PRKACA: variants seen among roughly 807,000 people sequenced by gnomAD.
PRKACA encodes cAMP-dependent protein kinase catalytic subunit alpha.
In PRKACA, 9 loss-of-function variants were observed where a neutral mutation model predicts 45.8. The observed-to-expected ratio is 0.20, with a 90% CI of 0.12 to 0.34. The LOEUF is 0.34. Ranked by LOEUF, PRKACA falls within the 10% of genes least tolerant of loss-of-function variation. The pLI, the probability that PRKACA is intolerant of heterozygous loss-of-function variation, is 1.00. For synonymous variants in PRKACA, 160 were observed against 178.6 expected, an observed-to-expected ratio of 0.90 and a Z score of 0.83; for missense variants, 238 against 458.6, an observed-to-expected ratio of 0.52 and a Z score of 4.39.
chr19:14,095,176 CTT>C (rs796833968), intron 8 of PRKACA, among the ~76,000 whole-genome samples: 6 of 134,012 alleles, frequency 4.5e-5, no homozygotes, highest in Non-Finnish European at 6.6e-5. Context: ...TTCTTTTTTT[CTT>C]TTTTTTTTTT....
At chr19:14,111,379 A>C (rs1966958838) in intron 1 of PRKACA, among the ~76,000 whole-genome samples, 1 of 151,942 alleles carries the variant, frequency 6.6e-6, no homozygotes, top group South Asian at 2.1e-4. Flanking sequence ...CCTGGACAAC[A>C]AGAGTGAAAC....
At chr19:14,110,725 G>A (rs1188799309) in intron 1 of PRKACA, among the ~76,000 whole-genome samples, 1 of 152,198 alleles carries the variant, frequency 6.6e-6, no homozygotes, top group Non-Finnish European at 1.5e-5. Context: ...CCCTTGCTGA[G>A]TATTTTCTAT....
At chr19:14,101,340 G>A (rs112092885) in intron 4 of PRKACA, 3,789 of 180,256 alleles carry the variant, frequency 0.021, 59 homozygotes, top group South Asian at 0.041. Context: ...AGGCCAAGGT[G>A]GGTGGATCAC....
intron 5 of PRKACA, among the ~76,000 whole-genome samples, chr19:14,099,067 G>A (rs960779324): frequency 1.3e-5 from 2 of 152,002 alleles, no homozygotes; most frequent in South Asian, 4.2e-4. Flanking sequence ...CGGGGGGGGC[G>A]GATCACCTGA....
intron 3 of PRKACA, among the ~76,000 whole-genome samples, chr19:14,106,065 G>A (rs1383048250): frequency 3.3e-5 from 5 of 151,950 alleles, no homozygotes; most frequent in Non-Finnish European, 5.9e-5. Context: ...GGGAATAGTG[G>A]GTGAGCCTGG....
At chr19:14,094,251 C>A (rs376642895) in intron 8 of PRKACA, among the ~76,000 whole-genome samples, 3 of 147,920 alleles carry the variant, frequency 2.0e-5, no homozygotes, top group Non-Finnish European at 4.4e-5. Flanking sequence ...TGCAGTGGTG[C>A]GATCTGGGCT....
Position 14,093,265 on chromosome 19 carries a change from C to A in PRKACA, c.931-28G>T, listed in dbSNP as rs757234773. ...GGAGAGGGATCAAGAATCACCCAGACCTCAGCATTCAACATAATCATTATT... is the reference window on the plus strand; with the variant it reads ...GGAGAGGGATCAAGAATCACCCAGAACTCAGCATTCAACATAATCATTATT... On this transcript the variant is annotated intron_variant, in intron 9 of 9. Transcript: ENST00000308677. 2.5e-6 allele frequency: 4 copies of A among 1,599,848 alleles called. No individual in the cohort carries two copies. In the South Asian group the frequency reaches 4.5e-5, roughly 18 times the overall value.
In PRKACA at chr19:14,116,990, G is replaced by C. The variant is rs367841608; in HGVS notation, c.46+512C>G. Among the ~76,000 whole-genome samples, 4 of 142,554 alleles carry C rather than the reference G, an allele frequency of 2.8e-5. No homozygotes were observed. In the East Asian group the frequency reaches 7.1e-4, roughly 25 times the overall value. The allele number at this position is 142,554 out of a possible 152,430, so 93.5% of individuals were successfully genotyped here. On this transcript the variant is annotated intron_variant, in intron 1 of 9. Coordinates refer to ENST00000308677, the MANE Select transcript of PRKACA (RefSeq NM_002730.4). ...GGGGGGCTGTGCTAAGGTGAAGAGG[G>C]AAAGGGCAGGAGAAAGATGGCGGGG...
At chr19:14,094,630 T>G (rs1385259275) in intron 8 of PRKACA, among the ~76,000 whole-genome samples, 2 of 152,220 alleles carry the variant, frequency 1.3e-5, no homozygotes, top group Non-Finnish European at 2.9e-5. Flanking sequence ...TAAACAGCTC[T>G]TCCTAGGTCA....
intron 2 of PRKACA, 152 bp from the exon 3 acceptor site, chr19:14,107,040 G>T: frequency 9.7e-7 from 1 of 1,032,780 alleles, no homozygotes; most frequent in Non-Finnish European, 1.4e-6. Context: ...AATCAAGATG[G>T]CAGAGGGCAC....
chr19:14,101,267 T>TA (rs1390672395), intron 4 of PRKACA: 8 of 241,708 alleles, frequency 3.3e-5, no homozygotes, highest in African/African-American at 1.8e-4. Context: ...GGCCCCTGGT[T>TA]AAAAAATTAT....
At chr19:14,109,102 A>T (rs1432974249) in intron 1 of PRKACA, among the ~76,000 whole-genome samples, 4 of 149,456 alleles carry the variant, frequency 2.7e-5, no homozygotes, top group Non-Finnish European at 5.9e-5. Flanking sequence ...TAATCCCAGC[A>T]CTCTGGGAGG....
At chr19:14,096,777 C>T (rs969047382) in intron 8 of PRKACA, 1 of 186,026 alleles carries the variant, frequency 5.4e-6, no homozygotes, top group Non-Finnish European at 1.1e-5. Flanking sequence ...TTCCTCACCT[C>T]TCCTACAGAG....
intron 3 of PRKACA, among the ~76,000 whole-genome samples, chr19:14,104,336 CAAAAAAAAAA>C (rs769115807): frequency 2.1e-5 from 1 of 48,220 alleles, no homozygotes; most frequent in Non-Finnish European, 4.4e-5. Context: ...GACTCCGTCT[CAAAAAAAAAA>C]AAAAAAAAAC....
chr19:14,107,296 G>A (rs1977641495), intron 2 of PRKACA, 52 bp downstream of exon 2: 25 of 1,546,194 alleles, frequency 1.6e-5, no homozygotes, highest in Non-Finnish European at 2.1e-5. Flanking sequence ...ACAGCCAGGG[G>A]CTGGGGGTTA....
chr19:14,093,852 A>C, intron 8 of PRKACA, 60 bp from the exon 9 acceptor site: 7 of 1,516,324 alleles, frequency 4.6e-6, no homozygotes, highest in East Asian at 2.3e-5. Flanking sequence ...GAAGCCCATG[A>C]TGCTTCTTTC....
rs1218689313 is a variant in PRKACA, at chr19:14,091,821, G to A, written c.*1291C>T. On this transcript the variant is annotated 3_prime_UTR_variant, in exon 10 of 10. Coordinates refer to ENST00000308677, the MANE Select transcript of PRKACA (RefSeq NM_002730.4). ...CGCACCCACCCGGGGCCCCACCCCA[G>A]GCCTGAGAACTCCTCCTGGGATGGG... The A allele has an allele frequency of 1.3e-5, 2 of 152,544 alleles. No individual in the cohort carries two copies. Among genetic ancestry groups the A allele is most frequent in the African/African-American group, 4.8e-5 (2 of 41,464 alleles). The allele number at this position is 152,544 out of a possible 1,614,324, so 9.4% of individuals were successfully genotyped here. A position where few individuals can be genotyped will look rare whatever the true frequency, so the allele number is the denominator to read the frequency against.
At chr19:14,104,358 A>ACAAC (rs1231852186) in intron 3 of PRKACA, among the ~76,000 whole-genome samples, 1 of 147,972 alleles carries the variant, frequency 6.8e-6, no homozygotes, top group Non-Finnish European at 1.5e-5. Context: ...AAAAAAAACA[A>ACAAC]CAACCAGCCA....
chr19:14,092,718 G>C lies in PRKACA; in HGVS notation c.*394C>G, dbSNP rs1977116762. 1 of 403,610 alleles carries C rather than the reference G, an allele frequency of 2.5e-6. No individual in the cohort carries two copies. The highest frequency in any genetic ancestry group is 4.2e-5 in the Admixed American group (1 of 23,918). 25.0% of individuals were successfully genotyped at this position (403,610 alleles called of 1,614,324 possible). ...GCCTGTGGTTGGGTGGGATGGGGGT[G>C]TGGGTGGGGGCTGGAGTTAAGCGTG... On this transcript the variant is annotated 3_prime_UTR_variant, in exon 10 of 10. Transcript: ENST00000308677.
Sources: allele counts gnomAD v4.1 joint callset (sites outside exome capture counted in the v4.1 genomes callset), GRCh38; gene constraint gnomAD v4.1.1; transcripts MANE v1.5; gene names NCBI Gene and HGNC (gene_info 2026-07-23, HGNC 2026-07-21).